The following TRHDE variants were observed in gnomAD, a reference collection of about 807,000 sequenced individuals.
TRHDE encodes thyrotropin-releasing hormone-degrading ectoenzyme.
In TRHDE, 72 loss-of-function variants were observed where a neutral mutation model predicts 125.7. That is an observed-to-expected ratio of 0.57 (90% CI 0.47 to 0.70). The LOEUF is 0.70. Ranked by LOEUF, TRHDE falls within the 30% of genes least tolerant of loss-of-function variation. The pLI is 0.00. For missense variants in TRHDE, 1,110 were observed against 1,327.1 expected, an observed-to-expected ratio of 0.84 and a Z score of 2.54; for synonymous variants, 509 against 509.1, an observed-to-expected ratio of 1.00 and a Z score of 0.00.
intron 3 of TRHDE, among the ~76,000 whole-genome samples, chr12:72,397,907 T>C (rs1227522904): frequency 6.6e-6 from 1 of 151,846 alleles, no homozygotes; most frequent in African/African-American, 2.4e-5. Flanking sequence ...CATGTATACA[T>C]ATGCCATGCT....
chr12:72,333,650 C>G (rs1565702271), intron 2 of TRHDE, among the ~76,000 whole-genome samples: 1 of 152,200 alleles, frequency 6.6e-6, no homozygotes. Context: ...CTTAGTAAAT[C>G]TTGTCTAATC....
intron 1 of TRHDE, among the ~76,000 whole-genome samples, chr12:72,099,129 A>C (rs540789410): frequency 1.3e-4 from 20 of 151,796 alleles, no homozygotes; most frequent in Non-Finnish European, 2.5e-4. Context: ...ACGCCACTGC[A>C]CTCCAGCCTG....
intron 15 of TRHDE, among the ~76,000 whole-genome samples, chr12:72,649,322 C>T (rs1425601888): frequency 6.6e-6 from 1 of 151,560 alleles, no homozygotes; most frequent in Non-Finnish European, 1.5e-5. Flanking sequence ...ACAAATTGTG[C>T]TGGGAAAACT....
chr12:72,364,904 G>C (rs1000270086), intron 2 of TRHDE, among the ~76,000 whole-genome samples: 7 of 152,028 alleles, frequency 4.6e-5, no homozygotes, highest in Non-Finnish European at 1.0e-4. Context: ...AGCTTAATAA[G>C]GACATTCTCT....
At chr12:72,344,921 G>A (rs1053095042) in intron 2 of TRHDE, among the ~76,000 whole-genome samples, 4 of 152,030 alleles carry the variant, frequency 2.6e-5, no homozygotes, top group African/African-American at 9.7e-5. Context: ...AAAAAAAGAG[G>A]TTCATGTTGG....
At chr12:72,490,063 T>TG in intron 5 of TRHDE, among the ~76,000 whole-genome samples, 1 of 151,908 alleles carries the variant, frequency 6.6e-6, no homozygotes, top group South Asian at 2.1e-4. Context: ...GCCTATGGAT[T>TG]GGGAAAAAAA....
At chr12:72,623,372 A>G (rs571261220) in intron 15 of TRHDE, among the ~76,000 whole-genome samples, 2 of 152,150 alleles carry the variant, frequency 1.3e-5, no homozygotes, top group Middle Eastern at 3.4e-3. Flanking sequence ...TTTTTCTACC[A>G]TGTTATTAAA....
intron 2 of TRHDE, among the ~76,000 whole-genome samples, chr12:72,310,509 A>G (rs1025434152): frequency 6.6e-6 from 1 of 152,098 alleles, no homozygotes; most frequent in East Asian, 1.9e-4. Context: ...TAATGTATTA[A>G]TTGCATTTCA....
At chr12:72,465,269 A>G (rs1226057979) in intron 3 of TRHDE, among the ~76,000 whole-genome samples, 1 of 152,094 alleles carries the variant, frequency 6.6e-6, no homozygotes, top group East Asian at 1.9e-4. Flanking sequence ...CCATATTTAA[A>G]GTATGCAGTT....
intron 6 of TRHDE, among the ~76,000 whole-genome samples, chr12:72,533,712 GT>G (rs2135977964): frequency 1.2e-5 from 1 of 85,766 alleles, no homozygotes; most frequent in Admixed American, 1.0e-4. Flanking sequence ...CCATTTCTTT[GT>G]TTTCTATTTG....
chr12:72,443,032 C>G (rs1427264927), intron 3 of TRHDE, among the ~76,000 whole-genome samples: 1 of 151,774 alleles, frequency 6.6e-6, no homozygotes, highest in Non-Finnish European at 1.5e-5. Context: ...CCCCTTGCTC[C>G]TAGAATAAAA....
intron 2 of TRHDE, among the ~76,000 whole-genome samples, chr12:72,297,117 G>A (rs1880330947): frequency 6.6e-6 from 1 of 152,144 alleles, no homozygotes; most frequent in South Asian, 2.1e-4. Context: ...TAGGGAGATT[G>A]AACTTGGGGA....
chr12:72,597,713 G>GTGTATATATATA (rs1872016220), intron 12 of TRHDE, among the ~76,000 whole-genome samples: 1 of 18,484 alleles, frequency 5.4e-5, no homozygotes. Flanking sequence ...GTGTGTGTAT[G>GTGTATATATATA]TATATATATA....
chr12:72,323,569 A>T (rs1237106766), intron 2 of TRHDE, among the ~76,000 whole-genome samples: 1 of 152,078 alleles, frequency 6.6e-6, no homozygotes, highest in African/African-American at 2.4e-5. Context: ...CTACCCCCTC[A>T]TCTCAGTTCC....
chr12:72,098,146 G>C (rs1874979573), intron 1 of TRHDE, among the ~76,000 whole-genome samples: 1 of 152,046 alleles, frequency 6.6e-6, no homozygotes, highest in South Asian at 2.1e-4. Flanking sequence ...GCCTTCCAAA[G>C]TGCTAGAATT....
At chr12:72,101,069 C>A (rs1434465764) in intron 1 of TRHDE, among the ~76,000 whole-genome samples, 2 of 152,292 alleles carry the variant, frequency 1.3e-5, no homozygotes, top group South Asian at 4.1e-4. Flanking sequence ...TGCCCTCCAT[C>A]ATTTCTGTGT....
chr12:72,360,822 T>A (rs1328238131), intron 2 of TRHDE, among the ~76,000 whole-genome samples: 1 of 151,844 alleles, frequency 6.6e-6, no homozygotes, highest in Non-Finnish European at 1.5e-5. Flanking sequence ...TTTACATATT[T>A]TAAAATTTAA....
intron 4 of TRHDE, among the ~76,000 whole-genome samples, chr12:72,471,528 T>C (rs1438124419): frequency 6.6e-6 from 1 of 152,210 alleles, no homozygotes. Flanking sequence ...GTAGGCCACT[T>C]ACTATGGAGT....
chr12:72,533,360 AG>A (rs1474396492), intron 6 of TRHDE, among the ~76,000 whole-genome samples: 2 of 151,988 alleles, frequency 1.3e-5, no homozygotes, highest in African/African-American at 4.8e-5. Flanking sequence ...TTTTTAGTAG[AG>A]ATGGGGTTTC....
Sources: gnomAD v4.1 joint callset for allele counts (sites outside exome capture counted in the v4.1 genomes callset) on GRCh38, gnomAD v4.1.1 for gene constraint, MANE v1.5 for transcripts, NCBI Gene and HGNC (gene_info 2026-07-23, HGNC 2026-07-21) for gene names.